TIAM2: variants seen among roughly 807,000 people sequenced by gnomAD.
The protein encoded by TIAM2 is TIAM Rac1 associated GEF 2, also known as rho guanine nucleotide exchange factor TIAM2.
Under a neutral mutation model 152.9 loss-of-function variants are expected in TIAM2, and 80 were observed. That is an observed-to-expected ratio of 0.52 (90% CI 0.44 to 0.63). The LOEUF (loss-of-function observed/expected upper bound fraction) is 0.63, where lower values mean the gene tolerates loss of function less well. Ranked by LOEUF, TIAM2 falls within the 30% of genes least tolerant of loss-of-function variation. The probability of loss-of-function intolerance (pLI) is 0.00; values close to 1 mark genes in which losing one functional copy is unlikely to be tolerated. For missense variants in TIAM2, 1,965 were observed against 2,120.1 expected, an observed-to-expected ratio of 0.93 and a Z score of 1.44; for synonymous variants, 804 against 838.0, an observed-to-expected ratio of 0.96 and a Z score of 0.70.
chr6:155,235,024 A>G (rs1164110978), intron 15 of TIAM2, among the ~76,000 whole-genome samples: 9 of 147,926 alleles, frequency 6.1e-5, no homozygotes, highest in African/African-American at 1.7e-4. Flanking sequence ...AGCTAGAGAC[A>G]GAGCACAGCT....
At chr6:155,110,853 T>A (rs1239723163) in intron 2 of TIAM2, among the ~76,000 whole-genome samples, 1 of 152,206 alleles carries the variant, frequency 6.6e-6, no homozygotes, top group Non-Finnish European at 1.5e-5. Context: ...AATGTCAGGA[T>A]GAAGTTGATT....
At position 155,130,120 on chromosome 6, in the gene TIAM2, C is replaced by T. The variant is rs765651975; in HGVS notation, c.897C>T (p.Leu299=). 9 of 1,614,200 alleles carry T rather than the reference C, an allele frequency of 5.6e-6. No homozygotes were observed. Among genetic ancestry groups the T allele is most frequent in the Non-Finnish European group, 7.6e-6 (9 of 1,180,050 alleles). Residue 299 remains leucine, a synonymous_variant, in exon 4 of 27, where the codon CTC becomes CTT. Coordinates refer to ENST00000682666, the MANE Select transcript of TIAM2 (RefSeq NM_012454.4). The part of the protein sequence containing the change: ...PFNQSSSLSS[L]RELYKDANLG... ...ACCAAAGCTCTTCCCTCTCCTCCCT[C>T]CGGGAACTGTACAAAGATGCCAACC...
At chr6:155,106,792 A>C (rs945423810) in intron 2 of TIAM2, among the ~76,000 whole-genome samples, 1 of 152,236 alleles carries the variant, frequency 6.6e-6, no homozygotes. Context: ...TGCAGGCCCA[A>C]CAACAGCCCA....
intron 18 of TIAM2, among the ~76,000 whole-genome samples, chr6:155,244,984 CTT>C (rs1290967490): frequency 6.6e-6 from 1 of 152,014 alleles, no homozygotes; most frequent in Non-Finnish European, 1.5e-5. Flanking sequence ...GGCGCAGGTG[CTT>C]TTGGTAGTCA....
intron 4 of TIAM2, among the ~76,000 whole-genome samples, chr6:155,134,201 A>G (rs1779507652): frequency 6.6e-6 from 1 of 152,120 alleles, no homozygotes; most frequent in African/African-American, 2.4e-5. Context: ...TTTCATCCGC[A>G]TAACAGATGA....
At chr6:155,031,854 CTTACT>C (rs1402697939) in intron 1 of TIAM2, among the ~76,000 whole-genome samples, 2 of 152,082 alleles carry the variant, frequency 1.3e-5, no homozygotes, top group Non-Finnish European at 2.9e-5. Flanking sequence ...ACTTGCTTTT[CTTACT>C]TTTGGGTAGA....
chr6:155,084,991 C>T (rs1778146515), intron 1 of TIAM2, among the ~76,000 whole-genome samples: 1 of 152,036 alleles, frequency 6.6e-6, no homozygotes, highest in Non-Finnish European at 1.5e-5. Context: ...CTCTACGGGC[C>T]CTGAGTGATG....
At chr6:155,142,374 G>C (rs1163132115) in intron 5 of TIAM2, among the ~76,000 whole-genome samples, 1 of 152,234 alleles carries the variant, frequency 6.6e-6, no homozygotes, top group Non-Finnish European at 1.5e-5. Flanking sequence ...TCCATGGGTT[G>C]TTAGGTTTGG....
At chr6:154,999,574 T>G (rs1238249600) in intron 1 of TIAM2, among the ~76,000 whole-genome samples, 43 of 152,198 alleles carry the variant, frequency 2.8e-4, no homozygotes, top group Admixed American at 2.8e-3. Context: ...CAGAAAAGCG[T>G]AATGAAAAAG....
chr6:155,089,044 C>G (rs1411708889), intron 1 of TIAM2, among the ~76,000 whole-genome samples: 1 of 152,054 alleles, frequency 6.6e-6, no homozygotes. Context: ...GTAAGTCTCA[C>G]TATGAAAGCA....
chr6:155,123,510 G>T (rs1013272329), intron 2 of TIAM2, among the ~76,000 whole-genome samples: 2 of 151,984 alleles, frequency 1.3e-5, no homozygotes, highest in Non-Finnish European at 2.9e-5. Flanking sequence ...AGAGGATGGG[G>T]GTCTCCTGTG....
rs1781045427 is a variant in TIAM2, at chr6:155,186,477, C to T, written c.3064+2977C>T. 6.6e-6 allele frequency among the ~76,000 whole-genome samples: 1 copy of T among 152,168 alleles called. No homozygotes were observed. Among genetic ancestry groups the T allele is most frequent in the African/African-American group, 2.4e-5 (1 of 41,448 alleles). On this transcript the variant is annotated intron_variant, in intron 14 of 26. Coordinates refer to ENST00000682666, the MANE Select transcript of TIAM2 (RefSeq NM_012454.4). This position sits in a 1 kb window ranked among gnomAD's most constrained non-coding sequence, Gnocchi z 4.5. ...TCGGGGTCACCTTCCAAATAAACTTCTGTACTCAAGTCCTTGACTCAGACT... is the reference window on the plus strand; with the variant it reads ...TCGGGGTCACCTTCCAAATAAACTTTTGTACTCAAGTCCTTGACTCAGACT...
intron 1 of TIAM2, among the ~76,000 whole-genome samples, chr6:155,084,515 A>C (rs929300179): frequency 6.6e-6 from 1 of 152,204 alleles, no homozygotes; most frequent in African/African-American, 2.4e-5. Context: ...AGATTGACTG[A>C]TGTGATCACC....
At chr6:155,018,645 T>C in intron 1 of TIAM2, among the ~76,000 whole-genome samples, 1 of 115,054 alleles carries the variant, frequency 8.7e-6, no homozygotes, top group Non-Finnish European at 1.8e-5. Flanking sequence ...CATACATGAC[T>C]CACATTTCTC....
In TIAM2 at chr6:155,129,924, G is replaced by A. The variant is rs756796322; in HGVS notation, c.701G>A (p.Arg234His). Residue 234 changes from arginine (R) to histidine (H), a missense_variant, in exon 4 of 27, where the codon CGC becomes CAC. This residue lies in a region of TIAM2 where 1,025 missense variants were observed against 1,119.4 expected (regional missense o/e 0.92). Coordinates refer to ENST00000682666, the MANE Select transcript of TIAM2 (RefSeq NM_012454.4). The surrounding 1 kb of genome is among the most constrained non-coding windows in gnomAD (Gnocchi z 4.8). ...PSHRPSPTDS[R>H]LRSSKGSSLS... is the part of the protein sequence containing the mutation. ...CATCGCCCCTCTCCCACGGACTCTC[G>A]CCTGCGGTCCAGCAAAGGCAGCTCC... is the stretch of plus-strand genomic sequence containing the variant. The A allele has an allele frequency of 3.1e-5, 50 of 1,613,778 alleles. No homozygotes were observed. The highest frequency in any genetic ancestry group is 1.2e-4 in the Admixed American group (7 of 60,000).
chr6:155,179,818 T>TAAC (rs1427779125), intron 12 of TIAM2, among the ~76,000 whole-genome samples: 3 of 152,206 alleles, frequency 2.0e-5, no homozygotes, highest in Non-Finnish European at 4.4e-5. Flanking sequence ...TTGCTCTTAG[T>TAAC]TTTCTCTTCC....
At chr6:155,228,823 A>G (rs1156946400) in intron 15 of TIAM2, among the ~76,000 whole-genome samples, 2 of 152,170 alleles carry the variant, frequency 1.3e-5, no homozygotes, top group Non-Finnish European at 2.9e-5. Context: ...CCGCTCTGGC[A>G]CCAGCTGCTC....
chr6:155,176,642 T>G (rs1464634740), intron 9 of TIAM2, among the ~76,000 whole-genome samples, 174 bp from the exon 10 acceptor site: 1 of 152,248 alleles, frequency 6.6e-6, no homozygotes, highest in Non-Finnish European at 1.5e-5. Flanking sequence ...CAGTTTCATC[T>G]GATAAAATGA....
intron 1 of TIAM2, among the ~76,000 whole-genome samples, chr6:154,996,698 G>A (rs1465079733): frequency 2.0e-5 from 3 of 152,094 alleles, no homozygotes; most frequent in Non-Finnish European, 4.4e-5. Context: ...TTATAATTTG[G>A]GCTTAACCAG....
Sources: allele counts gnomAD v4.1 joint callset (sites outside exome capture counted in the v4.1 genomes callset), GRCh38; gene constraint gnomAD v4.1.1; regional missense constraint gnomAD v4.1.1; non-coding constraint Gnocchi (gnomAD v3.1); transcripts MANE v1.5; gene names NCBI Gene and HGNC (gene_info 2026-07-23, HGNC 2026-07-21).